KCNT2: variants seen among roughly 807,000 people sequenced by gnomAD.
KCNT2 encodes the protein potassium sodium-activated channel subfamily T member 2, also known as potassium channel subfamily T member 2.
KCNT2 carries 67 observed loss-of-function variants against 153.8 expected under a neutral mutation model. That is an observed-to-expected ratio of 0.44 (90% CI 0.36 to 0.53). The LOEUF is 0.53. Among genes scored for constraint, KCNT2 ranks in the 20% least tolerant of loss-of-function variants. The pLI, the probability that KCNT2 is intolerant of heterozygous loss-of-function variation, is 0.00. For synonymous variants in KCNT2, 500 were observed against 458.8 expected, an observed-to-expected ratio of 1.09 and a Z score of -1.15; for missense variants, 975 against 1,354.8, an observed-to-expected ratio of 0.72 and a Z score of 4.40.
chr1:196,361,519 C>T (rs1667621229), intron 14 of KCNT2, among the ~76,000 whole-genome samples: 1 of 151,996 alleles, frequency 6.6e-6, no homozygotes, highest in Non-Finnish European at 1.5e-5. Context: ...CACCAGGAAG[C>T]TTGCCAGAAG....
intron 16 of KCNT2, among the ~76,000 whole-genome samples, chr1:196,338,538 G>A (rs1424078399): frequency 6.6e-6 from 1 of 151,998 alleles, no homozygotes; most frequent in Admixed American, 6.6e-5. Context: ...ATGCAAACAA[G>A]AACTTTTGGT....
In KCNT2 at chr1:196,331,260, A is replaced by G; in HGVS notation, c.1999T>C (p.Tyr667His). The G allele has an allele frequency of 6.7e-7, 1 of 1,501,588 alleles. No individual in the cohort carries two copies. Among genetic ancestry groups the G allele is most frequent in the Non-Finnish European group, 9.3e-7 (1 of 1,078,596 alleles). 93.0% of individuals were successfully genotyped at this position (1,501,588 alleles called of 1,614,324 possible). The change falls in exon 18 of 28, where the codon TAT becomes CAT. Residue 667 changes from tyrosine to histidine, a missense_variant and splice_region_variant. Coordinates refer to ENST00000294725, the MANE Select transcript of KCNT2 (RefSeq NM_198503.5). ...PDEEMSSNLE[Y>H]AKGYPPYSPY... ...GAATAAGGTGGGTAACCTTTAGCAT[A>G]CCTGTAAAATAATACAAAATATTAC...
Position 196,342,123 on chromosome 1 carries a change from A to G in KCNT2, c.1509T>C (p.Tyr503=), listed in dbSNP as rs145756671. ...AGGCATATGTAAAACTCTTTCCTTC[A>G]TATTCAGCAAAAAATGTACTTTCTT... ...VLEESTFFAE[Y]EGKSFTYASF... Residue 503 remains tyrosine, a synonymous_variant, in exon 15 of 28, where the codon TAT becomes TAC. Coordinates refer to ENST00000294725, the MANE Select transcript of KCNT2 (RefSeq NM_198503.5). 10,946 of 1,611,566 alleles carry G rather than the reference A, an allele frequency of 6.8e-3. 60 individuals carry two copies. The highest frequency in any genetic ancestry group is 8.5e-3 in the Non-Finnish European group (10,032 of 1,178,744).
chr1:196,299,450 G>A (rs1044377704), intron 22 of KCNT2, among the ~76,000 whole-genome samples: 8 of 152,054 alleles, frequency 5.3e-5, no homozygotes, highest in Non-Finnish European at 1.0e-4. Context: ...CAAGATGGCA[G>A]AATAGAAGGT....
At chr1:196,492,646 A>G (rs1053275739) in intron 1 of KCNT2, among the ~76,000 whole-genome samples, 1 of 152,142 alleles carries the variant, frequency 6.6e-6, no homozygotes, top group African/African-American at 2.4e-5. Context: ...AGTGGCATGG[A>G]TTATTCAAAA....
chr1:196,257,225 A>G (rs1399896075), intron 26 of KCNT2: 2 of 984,598 alleles, frequency 2.0e-6, no homozygotes, highest in Non-Finnish European at 2.4e-6. Flanking sequence ...AGTAGCACAC[A>G]TAGCATGCTA....
chr1:196,420,207 T>C lies in KCNT2; in HGVS notation c.1185+2843A>G, dbSNP rs554211064. On this transcript the variant is annotated intron_variant, in intron 12 of 27. Transcript: ENST00000294725. ...CAGGAGCTCTTTCAGGTTCACTGAG[T>C]GTCTTGTTTTGTTTTGTGATCTAGT... is the stretch of plus-strand genomic sequence containing the variant. 1.3e-4 allele frequency among the ~76,000 whole-genome samples: 20 copies of C among 151,992 alleles called. No individual in the cohort carries two copies. In the South Asian group the frequency reaches 4.1e-3, roughly 32 times the overall value.
chr1:196,327,547 C>G (rs1406370796), intron 18 of KCNT2, among the ~76,000 whole-genome samples: 1 of 151,992 alleles, frequency 6.6e-6, no homozygotes. Flanking sequence ...ATTATCTGCA[C>G]GGAGAACTGT....
At chr1:196,350,401 G>A (rs1340178821) in intron 14 of KCNT2, among the ~76,000 whole-genome samples, 2 of 152,078 alleles carry the variant, frequency 1.3e-5, no homozygotes, top group African/African-American at 2.4e-5. Context: ...TTGCCATTCT[G>A]ACTGGTGTGA....
chr1:196,482,960 G>A (rs1250670902), intron 3 of KCNT2, among the ~76,000 whole-genome samples: 1 of 152,008 alleles, frequency 6.6e-6, no homozygotes, highest in Non-Finnish European at 1.5e-5. Flanking sequence ...TTATGCTCTG[G>A]AAAGAACATC....
chr1:196,592,337 G>A (rs1663465982), intron 1 of KCNT2, among the ~76,000 whole-genome samples: 1 of 151,586 alleles, frequency 6.6e-6, no homozygotes, highest in South Asian at 2.1e-4. Flanking sequence ...GTAGAAGAAT[G>A]TTTAATAGAG....
intron 1 of KCNT2, among the ~76,000 whole-genome samples, chr1:196,540,736 T>G (rs1440873150): frequency 2.0e-5 from 3 of 152,156 alleles, no homozygotes; most frequent in Non-Finnish European, 4.4e-5. Context: ...TAATCCCCTC[T>G]CTTTCTCATT....
intron 12 of KCNT2, among the ~76,000 whole-genome samples, chr1:196,406,481 C>G (rs1008565116): frequency 6.6e-6 from 1 of 150,880 alleles, no homozygotes; most frequent in African/African-American, 2.4e-5. Flanking sequence ...AGCTGGCTAT[C>G]AGAAAGTAGA....
At chr1:196,379,437 T>C (rs980930611) in intron 13 of KCNT2, among the ~76,000 whole-genome samples, 4 of 151,930 alleles carry the variant, frequency 2.6e-5, no homozygotes, top group African/African-American at 9.7e-5. Context: ...CCAGGCGTGG[T>C]TGTGCATGCC....
At chr1:196,244,754 T>G (rs2102272874) in intron 26 of KCNT2, among the ~76,000 whole-genome samples, 1 of 152,252 alleles carries the variant, frequency 6.6e-6, no homozygotes, top group East Asian at 1.9e-4. Context: ...TCTCTGGACT[T>G]GCCCAGAATA....
intron 8 of KCNT2, among the ~76,000 whole-genome samples, chr1:196,437,600 C>T (rs1368165974): frequency 6.7e-6 from 1 of 150,130 alleles, no homozygotes; most frequent in Admixed American, 6.7e-5. Context: ...ATCAAAGTTA[C>T]TCCAATTCAT....
At chr1:196,367,174 C>T (rs914190650) in intron 14 of KCNT2, among the ~76,000 whole-genome samples, 1 of 152,036 alleles carries the variant, frequency 6.6e-6, no homozygotes, top group Non-Finnish European at 1.5e-5. Flanking sequence ...TAATAATAAT[C>T]ATATGACTTG....
chr1:196,608,084 C>T (rs953302594), intron 1 of KCNT2, 131 bp downstream of exon 1: 1 of 767,440 alleles, frequency 1.3e-6, no homozygotes, highest in Non-Finnish European at 2.3e-6. Context: ...GTCTCTTTTA[C>T]TCCCTCCCCC....
intron 26 of KCNT2, among the ~76,000 whole-genome samples, chr1:196,244,362 T>G (rs1464420610): frequency 6.6e-6 from 1 of 152,072 alleles, no homozygotes; most frequent in Admixed American, 6.6e-5. Context: ...GGTACCAGCT[T>G]GGTCACAGTG....
Sources: gnomAD v4.1 joint callset for allele counts (sites outside exome capture counted in the v4.1 genomes callset) on GRCh38, gnomAD v4.1.1 for gene constraint, MANE v1.5 for transcripts, NCBI Gene and HGNC (gene_info 2026-07-23, HGNC 2026-07-21) for gene names.